The following FNBP1 variants were observed in gnomAD, a reference collection of about 807,000 sequenced individuals.
The protein encoded by FNBP1 is formin binding protein 1.
In FNBP1, 26 loss-of-function variants were observed where a neutral mutation model predicts 90.6. The ratio of observed to expected loss-of-function variants is 0.29; its 90% confidence interval spans 0.21 to 0.40. FNBP1 has a LOEUF of 0.40. Among genes scored for constraint, FNBP1 ranks in the 10% least tolerant of loss-of-function variants. FNBP1 has a pLI of 1.00. For missense variants in FNBP1, 635 were observed against 768.0 expected (o/e 0.83, Z 2.05); for synonymous variants, 260 against 265.2 (o/e 0.98, Z 0.19).
chr9:129,975,867 C>T, intron 4 of FNBP1, among the ~76,000 whole-genome samples: 1 of 132,826 alleles, frequency 7.5e-6, no homozygotes, highest in African/African-American at 2.8e-5. Context: ...CGTGCCACTG[C>T]ACTCCAGTCT....
chr9:129,952,745 ATTTG>A (rs1365491695), intron 6 of FNBP1, among the ~76,000 whole-genome samples: 2 of 152,176 alleles, frequency 1.3e-5, no homozygotes, highest in Non-Finnish European at 2.9e-5. Context: ...TCTAAACTTC[ATTTG>A]TTTAATAGAA....
chr9:129,891,201 T>C (rs936701403), intron 16 of FNBP1, among the ~76,000 whole-genome samples: 1 of 149,188 alleles, frequency 6.7e-6, no homozygotes, highest in African/African-American at 2.5e-5. Flanking sequence ...GGCTCATACC[T>C]GTAATCCCAG....
At chr9:129,964,517 T>C (rs1239727358) in intron 4 of FNBP1, among the ~76,000 whole-genome samples, 1 of 151,894 alleles carries the variant, frequency 6.6e-6, no homozygotes, top group African/African-American at 2.4e-5. Context: ...ACTTTTTAGT[T>C]GAAATAAAAG....
chr9:129,965,077 A>C (rs1013165687), intron 4 of FNBP1, among the ~76,000 whole-genome samples: 9 of 152,318 alleles, frequency 5.9e-5, no homozygotes, highest in Admixed American at 4.6e-4. Context: ...GAACAGGAGC[A>C]GCTTCCAAGT....
intron 10 of FNBP1, among the ~76,000 whole-genome samples, chr9:129,923,451 T>C (rs1301234089): frequency 6.6e-6 from 1 of 151,746 alleles, no homozygotes; most frequent in Non-Finnish European, 1.5e-5. Flanking sequence ...TGGTGGCATA[T>C]GCCTGTAATC....
In FNBP1 at chr9:129,957,508, G is replaced by T; in HGVS notation, c.409-44C>A. On this transcript the variant is annotated intron_variant, in intron 5 of 16. Transcript: ENST00000446176. The surrounding 1 kb of genome is among the most constrained non-coding windows in gnomAD (Gnocchi z 4.3). The stretch of plus-strand genomic sequence containing the variant: ...AATTATGAAACCATAAGAGTCCTAC[G>T]AGAAGATGTAATTTTATCTAAAGCT... 7.2e-7 allele frequency: 1 copy of T among 1,382,884 alleles called. No homozygotes were observed. The highest frequency in any genetic ancestry group is 1.0e-6 in the Non-Finnish European group (1 of 980,890). The allele number at this position is 1,382,884 out of a possible 1,614,324, so 85.7% of individuals were successfully genotyped here.
intron 2 of FNBP1, among the ~76,000 whole-genome samples, chr9:129,986,649 G>T (rs954505647): frequency 3.9e-5 from 6 of 151,990 alleles, no homozygotes; most frequent in Admixed American, 2.0e-4. Flanking sequence ...AATCAGCTGG[G>T]CGTGGTGGCG....
intron 1 of FNBP1, among the ~76,000 whole-genome samples, chr9:129,997,385 AT>A (rs1453758249): frequency 2.6e-5 from 4 of 152,192 alleles, no homozygotes; most frequent in Admixed American, 2.0e-4. Flanking sequence ...TTTATGACTA[AT>A]AATTTTTAAT....
At chr9:130,035,553 CAAAT>C (rs745741100) in intron 1 of FNBP1, among the ~76,000 whole-genome samples, 27 of 152,168 alleles carry the variant, frequency 1.8e-4, no homozygotes, top group Admixed American at 3.3e-4. Flanking sequence ...ATTCTTGTAA[CAAAT>C]AAACAAGATG....
chr9:129,987,390 A>G (rs1325809275), intron 2 of FNBP1, among the ~76,000 whole-genome samples: 1 of 152,078 alleles, frequency 6.6e-6, no homozygotes, highest in Non-Finnish European at 1.5e-5. Context: ...CATATAACTC[A>G]ACTAGAAGAA....
chr9:129,919,158 C>A (rs1276342076), intron 10 of FNBP1: 9 of 1,287,880 alleles, frequency 7.0e-6, no homozygotes, highest in Non-Finnish European at 9.2e-6. Context: ...GGTGAACTTA[C>A]AACATAGTCC....
intron 2 of FNBP1, among the ~76,000 whole-genome samples, chr9:129,984,874 A>G (rs946700467): frequency 6.6e-6 from 1 of 152,010 alleles, no homozygotes; most frequent in African/African-American, 2.4e-5. Context: ...TTTCACCCCC[A>G]GCCATGATTC....
Position 129,890,088 on chromosome 9 carries a change from G to T in FNBP1, c.*451C>A, listed in dbSNP as rs890118210. 2.2e-5 allele frequency: 6 copies of T among 274,634 alleles called. No homozygotes were observed. Among genetic ancestry groups the T allele is most frequent in the Non-Finnish European group, 2.8e-5 (4 of 144,302 alleles). The allele number at this position is 274,634 out of a possible 1,614,324, so 17.0% of individuals were successfully genotyped here. A position where few individuals can be genotyped will look rare whatever the true frequency, so the allele number is the denominator to read the frequency against. ...TGGGACACACGGATGACATCGACAC[G>T]GATGACATCGAGTGCTCAGTCCGCC... On this transcript the variant is annotated 3_prime_UTR_variant, in exon 17 of 17. Transcript: ENST00000446176. This position sits in a 1 kb window ranked among gnomAD's most constrained non-coding sequence, Gnocchi z 5.8.
Position 130,036,244 on chromosome 9 carries a change from T to C in FNBP1, c.24+6708A>G, listed in dbSNP as rs147531776. 5.2e-3 allele frequency among the ~76,000 whole-genome samples: 798 copies of C among 152,312 alleles called. 7 individuals are homozygous for C. Among genetic ancestry groups the C allele is most frequent in the African/African-American group, 0.018 (765 of 41,566 alleles). On this transcript the variant is annotated intron_variant, in intron 1 of 16. Transcript: ENST00000446176. ...AAGCCTTATTTTTAAATGTGGGTGGTGTTGATGAAACAAGTATGAGTAATA... is the reference window on the plus strand; with the variant it reads ...AAGCCTTATTTTTAAATGTGGGTGGCGTTGATGAAACAAGTATGAGTAATA...
chr9:129,947,252 C>T (rs1436720070), intron 6 of FNBP1, among the ~76,000 whole-genome samples: 1 of 151,890 alleles, frequency 6.6e-6, no homozygotes, highest in Middle Eastern at 3.2e-3. Flanking sequence ...ACCAGTCTGA[C>T]CAACATGGTG....
intron 4 of FNBP1, among the ~76,000 whole-genome samples, chr9:129,968,473 G>A (rs1588956909): frequency 2.0e-5 from 3 of 148,922 alleles, no homozygotes; most frequent in Admixed American, 2.0e-4. Context: ...TTTAGTTTTT[G>A]CTTTCCTTCA....
Position 129,987,765 on chromosome 9 carries a change from T to C in FNBP1, c.140+7078A>G, listed in dbSNP as rs1323580977. Among the ~76,000 whole-genome samples the C allele has an allele frequency of 2.6e-5, 4 of 151,984 alleles. No homozygotes were observed. In the East Asian group the frequency reaches 7.7e-4, roughly 29 times the overall value. ...ATCTGCCCACCTCGGCCTCCCAAAA[T>C]GCTGGGATTACAGGTATGAGCCACC... On this transcript the variant is annotated intron_variant, in intron 2 of 16. Transcript: ENST00000446176.
intron 10 of FNBP1, 133 bp downstream of exon 10, chr9:129,923,711 G>GTT (rs11290705): frequency 1.1e-3 from 809 of 757,438 alleles, no homozygotes; most frequent in Middle Eastern, 1.4e-3. Context: ...AATGGTTTTT[G>GTT]TTTTTTTTTT....
At chr9:130,044,559 G>T (rs1223800367), upstream of FNBP1, among the ~76,000 whole-genome samples, 1 of 152,168 alleles carries the variant, frequency 6.6e-6, no homozygotes, top group African/African-American at 2.4e-5. Flanking sequence ...AGCCTAGAAG[G>T]TTGAAGTTGC....
Sources: gnomAD v4.1 joint callset for allele counts (sites outside exome capture counted in the v4.1 genomes callset) on GRCh38, gnomAD v4.1.1 for gene constraint, Gnocchi (gnomAD v3.1) non-coding constraint, MANE v1.5 for transcripts, NCBI Gene and HGNC (gene_info 2026-07-23, HGNC 2026-07-21) for gene names.